Variants in MIGA1 observed in about 807,000 individuals in gnomAD.
MIGA1 encodes the protein mitoguardin 1.
A neutral mutation model predicts 82.0 loss-of-function variants in MIGA1; 58 were observed. That is an observed-to-expected ratio of 0.71 (90% CI 0.57 to 0.88). The LOEUF is 0.88. Ranked by LOEUF, MIGA1 falls within the 40% of genes least tolerant of loss-of-function variation. The pLI, the probability that MIGA1 is intolerant of heterozygous loss-of-function variation, is 0.00. For missense variants in MIGA1, 751 were observed against 749.1 expected (o/e 1.00, Z -0.03); for synonymous variants, 249 against 253.6 (o/e 0.98, Z 0.17).
chr1:77,853,990 C>G (rs917156357), intron 8 of MIGA1: 1 of 188,966 alleles, frequency 5.3e-6, no homozygotes, highest in Non-Finnish European at 1.1e-5. Context: ...CACCTATCAC[C>G]TGAGCAGTAT....
chr1:77,869,746 C>CG (rs1473845282), intron 14 of MIGA1, among the ~76,000 whole-genome samples: 1 of 114,010 alleles, frequency 8.8e-6, no homozygotes, highest in Admixed American at 7.7e-5. Flanking sequence ...CGACCCCCCC[C>CG]CCGCCTGCCT....
rs769147848 is a variant in MIGA1 at position 77,813,787 on chromosome 1, C to T, written c.691C>T (p.Arg231Cys). The change falls in exon 6 of 16, where the codon CGC (arginine) becomes TGC (cysteine). Residue 231 changes from arginine (R) to cysteine (C), a missense_variant. Physicochemically the swap from Arg to Cys is radical, Grantham distance 180. Around this residue, in one of 3 missense-constraint regions of MIGA1, gnomAD observed 482 missense variants for 439.4 expected, o/e 1.10. Transcript: ENST00000370791. ...TCGATGGGAACAAGCTCTGACCTTT[C>T]GCAATAGACAGGCTGAAGATGAAGC... 3 of 1,614,168 alleles carry T rather than the reference C, an allele frequency of 1.9e-6. No individual in the cohort carries two copies. Among genetic ancestry groups the T allele is most frequent in the African/African-American group, 1.3e-5 (1 of 75,042 alleles).
chr1:77,807,411 G>A lies in MIGA1; in HGVS notation c.637+310G>A, dbSNP rs562900090. 4.6e-5 allele frequency among the ~76,000 whole-genome samples: 7 copies of A among 152,196 alleles called. No individual in the cohort carries two copies. The South Asian group carries it at 8.3e-4, about 18-fold the overall frequency. ...ACTCCTGAGCTCAAGCAATCTGCCC[G>A]CCTCAGCCTCCCAAAGTACTGGGAT... On this transcript the variant is annotated intron_variant, in intron 5 of 15. Transcript: ENST00000370791.
At chr1:77,870,884 C>A (rs1685952691) in intron 14 of MIGA1, among the ~76,000 whole-genome samples, 1 of 146,084 alleles carries the variant, frequency 6.8e-6, no homozygotes, top group Non-Finnish European at 1.5e-5. Flanking sequence ...GAGCTGGAGA[C>A]CAGCCCGGCC....
At position 77,877,126 on chromosome 1, in the gene MIGA1, A is replaced by G. The variant is rs1646900208; in HGVS notation, c.*2062A>G. Reference sequence around the variant, plus strand: ...CCTCATACCAGAGGCATGTGTCACCATGTCTTACTCCTAAAATGCATTTTT... The same window carrying G: ...CCTCATACCAGAGGCATGTGTCACCGTGTCTTACTCCTAAAATGCATTTTT... On this transcript the variant is annotated 3_prime_UTR_variant, in exon 16 of 16. Coordinates refer to ENST00000370791, the MANE Select transcript of MIGA1 (RefSeq NM_198549.4). 1.3e-5 allele frequency: 2 copies of G among 152,300 alleles called. No individual in the cohort carries two copies. Among genetic ancestry groups the G allele is most frequent in the East Asian group, 1.9e-4 (1 of 5,190 alleles). The allele number at this position is 152,300 out of a possible 1,614,324, so 9.4% of individuals were successfully genotyped here.
intron 8 of MIGA1, chr1:77,848,676 T>A: frequency 6.3e-7 from 1 of 1,577,166 alleles, no homozygotes; most frequent in Admixed American, 1.7e-5. Flanking sequence ...AGAGACCACC[T>A]GAGGCAGTGA....
In MIGA1 at chr1:77,877,272, G is replaced by A. The variant is rs892900440; in HGVS notation, c.*2208G>A. ...AATTTTCTGTATGTGCCACATTTAT[G>A]TAAATTAACTATAAAATATGGAATT... is the stretch of plus-strand genomic sequence containing the variant. On this transcript the variant is annotated 3_prime_UTR_variant, in exon 16 of 16. Transcript: ENST00000370791. 7 of 152,166 alleles carry A rather than the reference G, an allele frequency of 4.6e-5. No homozygotes were observed. The highest frequency in any genetic ancestry group is 1.0e-4 in the Non-Finnish European group (7 of 68,046). 9.4% of individuals were successfully genotyped at this position (152,166 alleles called of 1,614,324 possible). A position where few individuals can be genotyped will look rare whatever the true frequency, so the allele number is the denominator to read the frequency against.
intron 5 of MIGA1, among the ~76,000 whole-genome samples, chr1:77,808,377 TTGGG>T (rs1683188373): frequency 6.6e-6 from 1 of 152,176 alleles, no homozygotes; most frequent in Admixed American, 6.5e-5. Flanking sequence ...CCTGATATCT[TTGGG>T]TGACCATTAT....
intron 8 of MIGA1, chr1:77,847,050 A>T (rs1480613408): frequency 2.7e-6 from 2 of 734,436 alleles, no homozygotes; most frequent in Non-Finnish European, 5.0e-6. Flanking sequence ...ACACTTATTT[A>T]TAGCAATCCA....
At chr1:77,816,751 T>C (rs1238845780) in intron 7 of MIGA1, among the ~76,000 whole-genome samples, 1 of 152,224 alleles carries the variant, frequency 6.6e-6, no homozygotes, top group East Asian at 1.9e-4. Context: ...CAAAGCTTTA[T>C]ATTAATTTTT....
At chr1:77,858,900 C>A in intron 8 of MIGA1, 38 bp from the exon 9 acceptor site, 1 of 1,217,650 alleles carries the variant, frequency 8.2e-7, no homozygotes, top group Non-Finnish European at 1.2e-6. Flanking sequence ...AGCCACTGCA[C>A]CTAGCCTGTA....
At position 77,860,122 on chromosome 1, in the gene MIGA1, G is replaced by A. The variant is rs748018328; in HGVS notation, c.1271G>A (p.Arg424Gln). 8 of 1,604,910 alleles carry A rather than the reference G, an allele frequency of 5.0e-6. No homozygotes were observed. The highest frequency in any genetic ancestry group is 6.8e-6 in the Non-Finnish European group (8 of 1,173,444). Residue 424 changes from arginine (R) to glutamine (Q), a missense_variant, in exon 11 of 16, where the codon CGA (arginine) becomes CAA (glutamine). Transcript: ENST00000370791. ...TTATCAGCTTTAATTGTGAAAGCAC[G>A]AAAGGTAAACTTGTTCTGTTGGCAA...
intron 2 of MIGA1, among the ~76,000 whole-genome samples, chr1:77,792,267 G>T (rs1448790779): frequency 6.6e-6 from 1 of 152,204 alleles, no homozygotes; most frequent in Admixed American, 6.5e-5. Context: ...ATTATTGTCT[G>T]CCTGGAGTAC....
At position 77,782,970 on chromosome 1, in the gene MIGA1, A is replaced by C; in HGVS notation, c.82-268A>C. 4 of 714,180 alleles carry C rather than the reference A, an allele frequency of 5.6e-6. No individual in the cohort carries two copies. In the South Asian group the frequency reaches 1.9e-4, roughly 34 times the overall value. The allele number at this position is 714,180 out of a possible 1,614,324, so 44.2% of individuals were successfully genotyped here. ...TCTAGAACTCGCAATTTCCTAAGGA[A>C]AATTTGCTACCCGGACTCAAAGTTT... On this transcript the variant is annotated intron_variant, in intron 1 of 15. Transcript: ENST00000370791.
At chr1:77,845,606 G>A (rs1200120213) in intron 8 of MIGA1, among the ~76,000 whole-genome samples, 1 of 151,960 alleles carries the variant, frequency 6.6e-6, no homozygotes, top group Non-Finnish European at 1.5e-5. Context: ...ATAAATGTAT[G>A]GTCTCAGAAT....
intron 5 of MIGA1, chr1:77,810,815 A>G: frequency 1.1e-5 from 17 of 1,588,638 alleles, no homozygotes; most frequent in East Asian, 2.2e-5. Flanking sequence ...GATGGTTTCT[A>G]CTGAGTGGTA....
At chr1:77,829,902 T>A (rs1420712959) in intron 7 of MIGA1, among the ~76,000 whole-genome samples, 1 of 66,872 alleles carries the variant, frequency 1.5e-5, no homozygotes, top group African/African-American at 6.1e-5. Context: ...CCCACCGTCA[T>A]ATGTCAGGTC....
At chr1:77,814,401 A>T (rs1051620512) in intron 6 of MIGA1, among the ~76,000 whole-genome samples, 1 of 151,532 alleles carries the variant, frequency 6.6e-6, no homozygotes, top group Non-Finnish European at 1.5e-5. Context: ...ATTTTTTTTT[A>T]AAGAAATGGG....
chr1:77,783,296 C>T lies in MIGA1; in HGVS notation c.140C>T (p.Thr47Ile). 6.3e-7 allele frequency: 1 copy of T among 1,597,184 alleles called. No individual in the cohort carries two copies. The highest frequency in any genetic ancestry group is 1.3e-5 in the African/African-American group (1 of 74,876). Residue 47 changes from threonine to isoleucine, a missense_variant, in exon 2 of 16, where the codon ACA becomes ATA. Transcript: ENST00000370791. ...AGTGAATCACAGTTTTCCTTGAAGA[C>T]AGCAGCGCTAAGAGTGTTTGATCTT...
Sources: gnomAD v4.1 joint callset for allele counts (sites outside exome capture counted in the v4.1 genomes callset) on GRCh38, gnomAD v4.1.1 for gene constraint, gnomAD v4.1.1 regional missense constraint, MANE v1.5 for transcripts, NCBI Gene and HGNC (gene_info 2026-07-23, HGNC 2026-07-21) for gene names.